TTLL11: variants seen among roughly 807,000 people sequenced by gnomAD.
The protein encoded by TTLL11 is tubulin tyrosine ligase like 11, also known as tubulin polyglutamylase TTLL11.
A neutral mutation model predicts 51.7 loss-of-function variants in TTLL11; 42 were observed. That is an observed-to-expected ratio of 0.81 (90% CI 0.64 to 1.05). TTLL11 has a LOEUF of 1.05. Ranked by LOEUF, TTLL11 falls within the 50% of genes least tolerant of loss-of-function variation. The probability of loss-of-function intolerance (pLI) is 0.00; values close to 1 mark genes in which losing one functional copy is unlikely to be tolerated. For missense variants in TTLL11, 799 were observed against 940.4 expected (o/e 0.85, Z 1.97); for synonymous variants, 381 against 383.5 (o/e 0.99, Z 0.08).
intron 8 of TTLL11, among the ~76,000 whole-genome samples, chr9:121,855,489 A>T (rs1462337996): frequency 6.6e-6 from 1 of 152,152 alleles, no homozygotes; most frequent in Non-Finnish European, 1.5e-5. Context: ...TAAAGGTCTC[A>T]AGCATCAGGG....
intron 6 of TTLL11, among the ~76,000 whole-genome samples, chr9:121,879,743 A>G (rs62574538): frequency 0.23 from 5,397 of 23,546 alleles, 924 homozygotes; most frequent in East Asian, 0.48. Flanking sequence ...GAGGTGGGAG[A>G]ACTGCTTGAA....
intron 8 of TTLL11, among the ~76,000 whole-genome samples, chr9:121,842,445 T>C (rs1185146215): frequency 6.6e-6 from 1 of 152,158 alleles, no homozygotes; most frequent in Non-Finnish European, 1.5e-5. Context: ...ACTTTGTGTA[T>C]GTGTGTGTAG....
chr9:122,011,415 A>G (rs1312659592), intron 3 of TTLL11, among the ~76,000 whole-genome samples: 1 of 152,198 alleles, frequency 6.6e-6, no homozygotes, highest in Non-Finnish European at 1.5e-5. Context: ...AAAAGTATAT[A>G]ATGTATTCAC....
At chr9:121,904,933 G>A (rs139745204) in intron 6 of TTLL11, among the ~76,000 whole-genome samples, 174 of 152,282 alleles carry the variant, frequency 1.1e-3, no homozygotes, top group Admixed American at 2.7e-3. Flanking sequence ...TATGGACGTC[G>A]ATGCTCCTTT....
intron 6 of TTLL11, among the ~76,000 whole-genome samples, chr9:121,971,757 A>AAAAAAG (rs1469417554): frequency 1.3e-5 from 2 of 150,614 alleles, no homozygotes; most frequent in African/African-American, 2.4e-5. Context: ...AAAAAAAAAA[A>AAAAAAG]AAAAGAAAAT....
At chr9:121,868,639 T>C (rs1417733242) in intron 7 of TTLL11, among the ~76,000 whole-genome samples, 1 of 152,160 alleles carries the variant, frequency 6.6e-6, no homozygotes, top group Non-Finnish European at 1.5e-5. Flanking sequence ...AAGTGGAACA[T>C]GGATCATCCT....
intron 6 of TTLL11, among the ~76,000 whole-genome samples, chr9:121,895,316 G>A (rs1187032279): frequency 6.6e-6 from 1 of 151,048 alleles, no homozygotes; most frequent in Non-Finnish European, 1.5e-5. Context: ...TTGTGTATGT[G>A]AGTGTGTGCA....
chr9:122,024,907 T>TA (rs55798987), intron 3 of TTLL11, among the ~76,000 whole-genome samples: 149,837 of 152,188 alleles, frequency 0.98, 73,813 homozygotes, highest in Middle Eastern at 1. Context: ...CATGATCTAT[T>TA]AAAAAATTGA....
intron 8 of TTLL11, among the ~76,000 whole-genome samples, chr9:121,858,503 A>G (rs1837896907): frequency 6.6e-6 from 1 of 152,238 alleles, no homozygotes; most frequent in Admixed American, 6.5e-5. Flanking sequence ...AAGAACTGGC[A>G]GCCAGGAGCA....
At chr9:121,885,883 C>T (rs1838992635) in intron 6 of TTLL11, among the ~76,000 whole-genome samples, 1 of 152,168 alleles carries the variant, frequency 6.6e-6, no homozygotes, top group Admixed American at 6.5e-5. Flanking sequence ...CACAGTTCAC[C>T]ACTCCTGCCT....
intron 3 of TTLL11, 54 bp downstream of exon 3, chr9:122,031,669 C>T: frequency 6.3e-7 from 1 of 1,588,278 alleles, no homozygotes; most frequent in African/African-American, 1.3e-5. Flanking sequence ...GGACCCAGGA[C>T]ACAGTTGCAA....
At chr9:121,850,266 G>A (rs1423265536) in intron 8 of TTLL11, among the ~76,000 whole-genome samples, 1 of 152,146 alleles carries the variant, frequency 6.6e-6, no homozygotes, top group Non-Finnish European at 1.5e-5. Flanking sequence ...AATTGGCTCA[G>A]GGCTGAGAAG....
At chr9:121,921,416 G>C (rs1840538930) in intron 6 of TTLL11, among the ~76,000 whole-genome samples, 1 of 152,132 alleles carries the variant, frequency 6.6e-6, no homozygotes, top group Non-Finnish European at 1.5e-5. Context: ...GGGGACAGCA[G>C]AGCCCAACTC....
At chr9:121,915,672 C>T (rs952120847) in intron 6 of TTLL11, among the ~76,000 whole-genome samples, 4 of 152,034 alleles carry the variant, frequency 2.6e-5, no homozygotes, top group East Asian at 1.9e-4. Flanking sequence ...AAAAAAATTG[C>T]TATTTTCACA....
chr9:121,909,501 T>C (rs1406092683), intron 6 of TTLL11, among the ~76,000 whole-genome samples: 1 of 152,148 alleles, frequency 6.6e-6, no homozygotes. Context: ...TCAGGGCCCT[T>C]GTTCGCTAGA....
chr9:122,040,456 T>G, intron 1 of TTLL11: 1 of 976,336 alleles, frequency 1.0e-6, no homozygotes, highest in Non-Finnish European at 1.2e-6. Flanking sequence ...TGAACATATT[T>G]TTTAAATCTG....
chr9:122,076,820 G>A (rs1845873935), intron 1 of TTLL11, among the ~76,000 whole-genome samples: 2 of 151,274 alleles, frequency 1.3e-5, no homozygotes, highest in Non-Finnish European at 2.9e-5. Flanking sequence ...CCAAACCTCA[G>A]AGACAAGAAT....
Position 121,822,379 on chromosome 9 carries a change from G to C in TTLL11, c.*208C>G. Reference sequence around the variant, plus strand: ...ATGACTGATGACTCAGAAACAGGGTGTATCACCAGGAGGTGTGAGGAGGAA... The same window carrying C: ...ATGACTGATGACTCAGAAACAGGGTCTATCACCAGGAGGTGTGAGGAGGAA... On this transcript the variant is annotated 3_prime_UTR_variant, in exon 9 of 9. Coordinates refer to ENST00000321582, the MANE Select transcript of TTLL11 (RefSeq NM_001139442.2). The surrounding 1 kb of genome is among the most constrained non-coding windows in gnomAD (Gnocchi z 5.8). 2.3e-6 allele frequency: 1 copy of C among 443,234 alleles called. No individual in the cohort carries two copies. Among genetic ancestry groups the C allele is most frequent in the Non-Finnish European group, 4.0e-6 (1 of 250,554 alleles). The allele number at this position is 443,234 out of a possible 1,614,324, so 27.5% of individuals were successfully genotyped here. A position where few individuals can be genotyped will look rare whatever the true frequency, so the allele number is the denominator to read the frequency against.
chr9:122,043,722 TA>T (rs374925930), intron 1 of TTLL11, among the ~76,000 whole-genome samples: 2 of 151,942 alleles, frequency 1.3e-5, no homozygotes, highest in Non-Finnish European at 2.9e-5. Flanking sequence ...AGATAAAAAT[TA>T]AAAACTTTTT....
Sources: allele counts gnomAD v4.1 joint callset (sites outside exome capture counted in the v4.1 genomes callset), GRCh38; gene constraint gnomAD v4.1.1; non-coding constraint Gnocchi (gnomAD v3.1); transcripts MANE v1.5; gene names NCBI Gene and HGNC (gene_info 2026-07-23, HGNC 2026-07-21).